Variants in PLPP1 observed in about 807,000 individuals in gnomAD.
PLPP1 encodes the protein lipid phosphate phosphohydrolase 1a.
A neutral mutation model predicts 31.2 loss-of-function variants in PLPP1; 24 were observed. The ratio of observed to expected loss-of-function variants is 0.77; its 90% CI spans 0.56 to 1.08. PLPP1 has a LOEUF of 1.08. PLPP1 is among the 50% of genes least tolerant of loss of function. The pLI is 0.00. For synonymous variants in PLPP1, 146 were observed against 126.3 expected, an observed-to-expected ratio of 1.16 and a Z score of -1.05; for missense variants, 319 against 342.7, an observed-to-expected ratio of 0.93 and a Z score of 0.55.
intron 2 of PLPP1, among the ~76,000 whole-genome samples, chr5:55,468,680 G>A (rs1752356835): frequency 1.3e-5 from 2 of 152,086 alleles, no homozygotes; most frequent in South Asian, 4.2e-4. Context: ...GTGGGTGCCT[G>A]TAATCCCAGC....
At chr5:55,520,890 G>C (rs1403342699) in intron 1 of PLPP1, among the ~76,000 whole-genome samples, 2 of 152,190 alleles carry the variant, frequency 1.3e-5, no homozygotes, top group Non-Finnish European at 2.9e-5. Context: ...CAACAGCAAT[G>C]GTTTCAGGGG....
Position 55,424,994 on chromosome 5 carries a change from AG to A in PLPP1, c.*211del. ...ACAGGTGGGGCACTGTTTTGGTGGA[AG>A]GCTTGGAGTTTTTTTAATGAGTTTA... On this transcript the variant is annotated 3_prime_UTR_variant, in exon 6 of 6. Coordinates refer to ENST00000307259, the MANE Select transcript of PLPP1 (RefSeq NM_003711.4). The A allele has an allele frequency of 1.4e-6, 1 of 699,490 alleles. No homozygotes were observed. Among genetic ancestry groups the A allele is most frequent in the Non-Finnish European group, 2.3e-6 (1 of 432,554 alleles). The allele number at this position is 699,490 out of a possible 1,614,324, so 43.3% of individuals were successfully genotyped here. A position where few individuals can be genotyped will look rare whatever the true frequency, so the allele number is the denominator to read the frequency against.
intron 1 of PLPP1, among the ~76,000 whole-genome samples, chr5:55,518,309 A>G (rs1350417746): frequency 6.6e-6 from 1 of 152,156 alleles, no homozygotes; most frequent in East Asian, 1.9e-4. Flanking sequence ...AGGTAATTTG[A>G]AAAATTACTC....
chr5:55,449,615 A>G (rs917101488), intron 3 of PLPP1, among the ~76,000 whole-genome samples: 3 of 152,326 alleles, frequency 2.0e-5, no homozygotes, highest in Non-Finnish European at 2.9e-5. Context: ...TTTAACATAT[A>G]TATGTATTTA....
At chr5:55,476,659 T>G (rs1411895688) in intron 1 of PLPP1, among the ~76,000 whole-genome samples, 2 of 152,144 alleles carry the variant, frequency 1.3e-5, no homozygotes, top group South Asian at 2.1e-4. Flanking sequence ...CCATAACCAC[T>G]AAGCTAACAC....
chr5:55,515,122 ACCAGGCT>A (rs1412818632), intron 1 of PLPP1, among the ~76,000 whole-genome samples: 1 of 152,252 alleles, frequency 6.6e-6, no homozygotes, highest in Non-Finnish European at 1.5e-5. Context: ...AAGCAGTATT[ACCAGGCT>A]CCAATCCCAG....
chr5:55,533,029 G>A (rs1332748523), intron 1 of PLPP1, among the ~76,000 whole-genome samples: 3 of 151,624 alleles, frequency 2.0e-5, no homozygotes, highest in Non-Finnish European at 4.4e-5. Context: ...AACTCACTGT[G>A]GACCTAAACA....
chr5:55,496,887 A>G (rs1753013724), intron 1 of PLPP1, among the ~76,000 whole-genome samples: 1 of 152,228 alleles, frequency 6.6e-6, no homozygotes, highest in African/African-American at 2.4e-5. Flanking sequence ...GCTATTACAA[A>G]ATATTCCAAT....
intron 3 of PLPP1, among the ~76,000 whole-genome samples, chr5:55,447,543 A>G (rs1751793081): frequency 6.6e-6 from 1 of 152,014 alleles, no homozygotes; most frequent in South Asian, 2.1e-4. Context: ...TCACACAGAG[A>G]TAATGATTCT....
intron 1 of PLPP1, among the ~76,000 whole-genome samples, chr5:55,504,283 T>G (rs1753216482): frequency 6.6e-6 from 1 of 150,544 alleles, no homozygotes; most frequent in Non-Finnish European, 1.5e-5. Context: ...GAGAATTGCT[T>G]GAACCCAGGA....
chr5:55,467,064 A>G (rs1448426937), intron 3 of PLPP1, among the ~76,000 whole-genome samples: 2 of 152,200 alleles, frequency 1.3e-5, no homozygotes, highest in Non-Finnish European at 2.9e-5. Flanking sequence ...AAGGTGTCCC[A>G]GCATGCAGAA....
At chr5:55,496,765 T>C (rs1753011483) in intron 1 of PLPP1, among the ~76,000 whole-genome samples, 1 of 152,214 alleles carries the variant, frequency 6.6e-6, no homozygotes, top group Non-Finnish European at 1.5e-5. Flanking sequence ...AACAGACACA[T>C]GAATACCTGG....
chr5:55,426,471 TACTC>T (rs1181342766), intron 4 of PLPP1, among the ~76,000 whole-genome samples: 1 of 152,074 alleles, frequency 6.6e-6, no homozygotes, highest in Non-Finnish European at 1.5e-5. Context: ...GGTGTAGTCA[TACTC>T]ACTGCAGCCT....
At chr5:55,507,393 G>A (rs879524436) in intron 1 of PLPP1, among the ~76,000 whole-genome samples, 6 of 152,006 alleles carry the variant, frequency 3.9e-5, no homozygotes, top group Non-Finnish European at 8.8e-5. Flanking sequence ...AAGATTGCTC[G>A]GAAAAAGTGG....
chr5:55,452,273 G>A (rs911911409), intron 3 of PLPP1, among the ~76,000 whole-genome samples: 2 of 152,118 alleles, frequency 1.3e-5, no homozygotes, highest in African/African-American at 2.4e-5. Context: ...CCTTGGTGAT[G>A]AGTGAGTTCT....
At chr5:55,461,240 C>A (rs1216654381) in intron 3 of PLPP1, among the ~76,000 whole-genome samples, 3 of 152,092 alleles carry the variant, frequency 2.0e-5, no homozygotes, top group African/African-American at 7.2e-5. Context: ...CACAAAGAAA[C>A]TTCTAGGCCC....
chr5:55,505,432 A>G (rs1488459359), intron 1 of PLPP1, among the ~76,000 whole-genome samples: 3 of 138,152 alleles, frequency 2.2e-5, no homozygotes, highest in African/African-American at 7.7e-5. Context: ...CCATCTCTAC[A>G]CATCTATACA....
chr5:55,511,164 A>G (rs1158825040), intron 1 of PLPP1, among the ~76,000 whole-genome samples: 1 of 152,222 alleles, frequency 6.6e-6, no homozygotes, highest in East Asian at 1.9e-4. Flanking sequence ...TTGTTTGAAG[A>G]ATAATCTGTC....
intron 1 of PLPP1, among the ~76,000 whole-genome samples, chr5:55,501,307 C>T (rs932752955): frequency 6.6e-6 from 1 of 151,862 alleles, no homozygotes; most frequent in Admixed American, 6.6e-5. Flanking sequence ...AAGCAAGACT[C>T]CGTCTCAAAA....
Sources: gnomAD v4.1 joint callset for allele counts (sites outside exome capture counted in the v4.1 genomes callset) on GRCh38, gnomAD v4.1.1 for gene constraint, MANE v1.5 for transcripts, NCBI Gene and HGNC (gene_info 2026-07-23, HGNC 2026-07-21) for gene names.